RANBP2: variants seen among roughly 807,000 people sequenced by gnomAD.
The protein encoded by RANBP2 is E3 SUMO-protein ligase RanBP2.
Under a neutral mutation model 303.6 loss-of-function variants are expected in RANBP2, and 57 were observed. The ratio of observed to expected loss-of-function variants is 0.19; its 90% CI spans 0.15 to 0.23. RANBP2 has a LOEUF of 0.23. RANBP2 is among the 10% of genes least tolerant of loss of function. The probability of loss-of-function intolerance (pLI) is 1.00; values close to 1 mark genes in which losing one functional copy is unlikely to be tolerated. For synonymous variants in RANBP2, 1,167 were observed against 1,301.5 expected (o/e 0.90, Z 2.23); for missense variants, 3,138 against 3,780.8 (o/e 0.83, Z 4.46).
At chr2:109,056,892 G>A in the RANBP2 span, among the ~76,000 whole-genome samples, 1 of 152,214 alleles carries the variant, frequency 6.6e-6, no homozygotes, top group Admixed American at 6.5e-5. Flanking sequence ...TCACAGTCAA[G>A]CTGTAACATG....
At chr2:109,052,166 A>G in the RANBP2 span, among the ~76,000 whole-genome samples, 112 of 152,330 alleles carry the variant, frequency 7.4e-4, 1 homozygote, top group African/African-American at 2.6e-3. Context: ...CTTCTTCATC[A>G]TTTCACTGTT....
the RANBP2 span, chr2:108,878,524 A>G: frequency 4.7e-6 from 1 of 214,736 alleles, no homozygotes; most frequent in African/African-American, 2.3e-5. Flanking sequence ...TCATCTTACC[A>G]TATCAGACTG....
the RANBP2 span, among the ~76,000 whole-genome samples, chr2:109,337,093 C>G: frequency 1.3e-5 from 2 of 152,172 alleles, no homozygotes; most frequent in East Asian, 1.9e-4. Context: ...AATGTAAATT[C>G]AGGACTTGTA....
At chr2:109,187,120 A>G in the RANBP2 span, among the ~76,000 whole-genome samples, 2 of 149,802 alleles carry the variant, frequency 1.3e-5, no homozygotes, top group Non-Finnish European at 3.0e-5. Flanking sequence ...CTCCAGAGCC[A>G]CAGGGTGAGG....
At chr2:109,435,064 G>T in the RANBP2 span, among the ~76,000 whole-genome samples, 1 of 152,106 alleles carries the variant, frequency 6.6e-6, no homozygotes. Flanking sequence ...CCAAAGAATG[G>T]CAGAGCCAGG....
chr2:108,931,083 G>C, the RANBP2 span: 1 of 1,513,712 alleles, frequency 6.6e-7, no homozygotes. Flanking sequence ...CCCCAGCCGG[G>C]GGTCTGGCTA....
At chr2:109,390,980 C>G in the RANBP2 span, among the ~76,000 whole-genome samples, 1 of 152,214 alleles carries the variant, frequency 6.6e-6, no homozygotes, top group African/African-American at 2.4e-5. Flanking sequence ...CCAACTGCCC[C>G]CAAGCAGCTA....
chr2:109,227,317 C>G, the RANBP2 span, among the ~76,000 whole-genome samples: 149 of 152,248 alleles, frequency 9.8e-4, no homozygotes, highest in Non-Finnish European at 1.6e-3. Context: ...AGCTACACGT[C>G]CATGCCAGAA....
the RANBP2 span, among the ~76,000 whole-genome samples, chr2:109,226,435 G>A: frequency 2.0e-5 from 3 of 152,226 alleles, no homozygotes; most frequent in South Asian, 6.2e-4. Context: ...TGACACACGT[G>A]GCCCATGTGC....
chr2:109,656,313 A>G, the RANBP2 span, among the ~76,000 whole-genome samples: 1 of 151,336 alleles, frequency 6.6e-6, no homozygotes, highest in Admixed American at 6.6e-5. Flanking sequence ...TTAATTTGCA[A>G]CTCCTTTTCT....
the RANBP2 span, among the ~76,000 whole-genome samples, chr2:109,371,432 G>A: frequency 6.6e-6 from 1 of 152,226 alleles, no homozygotes; most frequent in East Asian, 1.9e-4. Flanking sequence ...GCTCCTGGGT[G>A]AAGATGTCAG....
At position 108,766,685 on chromosome 2, in the gene RANBP2, T is replaced by A; in HGVS notation, c.6146T>A (p.Val2049Glu). ...AAACTATTTAGATTTGATGCTGAGG[T>A]AAGTCAGTGGAAAGAAAGGGGCTTG... ...RVKLFRFDAE[V>E]SQWKERGLGN... Residue 2049 changes from valine (V) to glutamate (E), a missense_variant, in exon 20 of 29, where the codon GTA becomes GAA. Physicochemically the swap from Val to Glu is moderately radical, Grantham distance 121. Around this residue, in one of 20 missense-constraint regions of RANBP2, gnomAD observed 103 missense variants for 214.3 expected, o/e 0.48. Transcript: ENST00000283195. 2 of 1,611,960 alleles carry A rather than the reference T, an allele frequency of 1.2e-6. No individual in the cohort carries two copies. Among genetic ancestry groups the A allele is most frequent in the Non-Finnish European group, 1.7e-6 (2 of 1,179,842 alleles).
chr2:109,251,640 A>G, the RANBP2 span: 156 of 1,373,656 alleles, frequency 1.1e-4, 3 homozygotes, highest in South Asian at 6.9e-4. Context: ...AAGCCTTGGA[A>G]CGAGTATAAA....
chr2:108,723,765 C>T (rs954627849), intron 1 of RANBP2, among the ~76,000 whole-genome samples: 7 of 152,114 alleles, frequency 4.6e-5, no homozygotes, highest in Admixed American at 4.6e-4. Context: ...TTTTCCTGGA[C>T]TGAATAATTG....
chr2:109,574,506 C>A, the RANBP2 span: 2 of 814,492 alleles, frequency 2.5e-6, no homozygotes, highest in East Asian at 3.4e-5. Flanking sequence ...CAATATATAT[C>A]CATATTGTAA....
the RANBP2 span, among the ~76,000 whole-genome samples, chr2:109,252,838 C>T: frequency 1.3e-5 from 2 of 152,080 alleles, no homozygotes; most frequent in African/African-American, 4.8e-5. Context: ...AAGTGAAAAA[C>T]ACTGGTTATA....
At chr2:108,975,824 G>A in the RANBP2 span, among the ~76,000 whole-genome samples, 3 of 152,144 alleles carry the variant, frequency 2.0e-5, no homozygotes, top group African/African-American at 7.2e-5. Context: ...GAACGAGCTC[G>A]AGAAGTCAAG....
At chr2:108,807,878 G>A in the RANBP2 span, among the ~76,000 whole-genome samples, 5 of 152,146 alleles carry the variant, frequency 3.3e-5, no homozygotes, top group South Asian at 6.2e-4. Flanking sequence ...CGAAGTGCTC[G>A]GATTACAGGC....
chr2:109,074,895 C>T, the RANBP2 span, among the ~76,000 whole-genome samples: 4 of 147,844 alleles, frequency 2.7e-5, no homozygotes, highest in Non-Finnish European at 6.0e-5. Flanking sequence ...GTGGTGGGCA[C>T]CTGTAGCCCC....
Sources: allele counts gnomAD v4.1 joint callset (sites outside exome capture counted in the v4.1 genomes callset), GRCh38; gene constraint gnomAD v4.1.1; regional missense constraint gnomAD v4.1.1; transcripts MANE v1.5; gene names NCBI Gene and HGNC (gene_info 2026-07-23, HGNC 2026-07-21).